FBN3: variants seen among roughly 807,000 people sequenced by gnomAD.
FBN3 encodes fibrillin 3.
Under a neutral mutation model 330.1 loss-of-function variants are expected in FBN3, and 234 were observed. That is an observed-to-expected ratio of 0.71 (90% CI 0.64 to 0.79). FBN3 has a LOEUF of 0.79. Ranked by LOEUF, FBN3 falls within the 30% of genes least tolerant of loss-of-function variation. The pLI, the probability that FBN3 is intolerant of heterozygous loss-of-function variation, is 0.00. For missense variants in FBN3, 3,606 were observed against 3,886.9 expected (o/e 0.93, Z 1.92); for synonymous variants, 1,458 against 1,517.3 (o/e 0.96, Z 0.91).
chr19:8,097,242 A>C (rs749600201), intron 42 of FBN3, 47 bp downstream of exon 42: 1 of 1,579,202 alleles, frequency 6.3e-7, no homozygotes, highest in Non-Finnish European at 8.7e-7. Context: ...AGTGGCGGAC[A>C]TGCATCCCAC....
intron 28 of FBN3, 140 bp from the exon 29 acceptor site, chr19:8,116,939 C>T: frequency 8.3e-7 from 1 of 1,205,886 alleles, no homozygotes; most frequent in East Asian, 2.5e-5. Context: ...GGCGCTCAAG[C>T]AGTTCTGAGG....
chr19:8,080,194 C>T (rs1163190390), intron 59 of FBN3, among the ~76,000 whole-genome samples: 1 of 152,194 alleles, frequency 6.6e-6, no homozygotes, highest in African/African-American at 2.4e-5. Context: ...AGTTTGCCAC[C>T]CTTTGGTCTA....
At chr19:8,125,288 C>T (rs2082950083) in intron 22 of FBN3, among the ~76,000 whole-genome samples, 1 of 151,992 alleles carries the variant, frequency 6.6e-6, no homozygotes. Context: ...GTGGTGCACA[C>T]CTGTAGTCCC....
chr19:8,075,497 G>T, intron 59 of FBN3, 86 bp from the exon 60 acceptor site: 1 of 1,423,792 alleles, frequency 7.0e-7, no homozygotes, highest in Non-Finnish European at 9.6e-7. Flanking sequence ...CCACTGTGTG[G>T]CTTCAGGCAA....
intron 57 of FBN3, 119 bp from the exon 58 acceptor site, chr19:8,081,599 T>C (rs929292167): frequency 3.4e-6 from 4 of 1,186,066 alleles, no homozygotes; most frequent in Admixed American, 2.7e-5. Context: ...TACACAGGAA[T>C]GAACACTTCT....
chr19:8,080,353 T>C (rs2081747623), intron 59 of FBN3, among the ~76,000 whole-genome samples: 1 of 152,188 alleles, frequency 6.6e-6, no homozygotes, highest in Admixed American at 6.5e-5. Context: ...GCAGATGCCC[T>C]TGTGGCTTTA....
chr19:8,136,422 C>A lies in FBN3; in HGVS notation c.1311G>T (p.Val437=), dbSNP rs2083283283. The A allele has an allele frequency of 6.2e-7, 1 of 1,614,064 alleles. No individual in the cohort carries two copies. Among genetic ancestry groups the A allele is most frequent in the Non-Finnish European group, 8.5e-7 (1 of 1,180,032 alleles). ...TPSSYRCECN[V]GYTQDVRGEC... ...CGCCGCGCACGTCCTGGGTGTAGCC[C>A]ACGTTACACTCGCAGCGGTAGCTGG... is the stretch of plus-strand genomic sequence containing the variant. The change falls in exon 11 of 64, where the codon GTG becomes GTT. Residue 437 remains valine, a synonymous_variant. Transcript: ENST00000600128.
At chr19:8,101,265 C>T (rs1240680626) in intron 40 of FBN3, among the ~76,000 whole-genome samples, 1 of 152,124 alleles carries the variant, frequency 6.6e-6, no homozygotes, top group Non-Finnish European at 1.5e-5. Context: ...GCTGGGATTA[C>T]AGGCGTGAGC....
At position 8,126,323 on chromosome 19, in the gene FBN3, G is replaced by A. The variant is rs200605729; in HGVS notation, c.2579C>T (p.Ala860Val). The change falls in exon 21 of 64, where the codon GCC (alanine) becomes GTC (valine). Residue 860 changes from alanine to valine, a missense_variant. By Grantham distance (64) the Ala-to-Val change is moderately conservative. Coordinates refer to ENST00000600128, the MANE Select transcript of FBN3 (RefSeq NM_032447.5). ...EIDPACARGF[A>V]RMTGVTCDDV... ...ATCGCAGGTGACACCCGTCATCCGG[G>A]CAAAGCCCCGGGCACAGGCAGGGTC... 2.3e-5 allele frequency: 36 copies of A among 1,590,068 alleles called. No homozygotes were observed. In the East Asian group the frequency reaches 7.7e-4, roughly 34 times the overall value.
intron 59 of FBN3, among the ~76,000 whole-genome samples, chr19:8,078,771 CA>C (rs1324223703): frequency 7.5e-6 from 1 of 133,668 alleles, no homozygotes; most frequent in African/African-American, 3.1e-5. Context: ...AGTCTTTGTT[CA>C]AATGTTCTCT....
Position 8,129,169 on chromosome 19 carries a change from G to A in FBN3, c.2171-16C>T. On this transcript the variant is annotated splice_polypyrimidine_tract_variant and intron_variant, in intron 17 of 63. Transcript: ENST00000600128. The surrounding 1 kb of genome is among the most constrained non-coding windows in gnomAD (Gnocchi z 4.5). ...TCATCCACGTCTGTGGGGTGGGGGT[G>A]GGAGAGAGGGGTGAGGGGTCTGCAG... 1.2e-6 allele frequency: 2 copies of A among 1,612,338 alleles called. No homozygotes were observed. Among genetic ancestry groups the A allele is most frequent in the East Asian group, 2.2e-5 (1 of 44,854 alleles).
intron 38 of FBN3, among the ~76,000 whole-genome samples, chr19:8,104,772 A>G (rs1027673601): frequency 2.0e-5 from 3 of 152,334 alleles, no homozygotes; most frequent in East Asian, 1.9e-4. Flanking sequence ...CAATCTGCCA[A>G]TGTAGCAAGA....
chr19:8,087,922 C>A lies in FBN3; in HGVS notation c.6522G>T (p.Pro2174=). Reference sequence around the variant, plus strand: ...TGTGGCAGCGGAAGGCACAGAGCAGCGGGTTCAGGGAGCATTCGTCGATGT... The same window carrying A: ...TGTGGCAGCGGAAGGCACAGAGCAGAGGGTTCAGGGAGCATTCGTCGATGT... ...CEDIDECSLN[P]LLCAFRCHNT... The change falls in exon 53 of 64, where the codon CCG becomes CCT. Residue 2174 remains proline (P), a synonymous_variant. Transcript: ENST00000600128. The A allele has an allele frequency of 6.2e-7, 1 of 1,614,100 alleles. No homozygotes were observed. The highest frequency in any genetic ancestry group is 8.5e-7 in the Non-Finnish European group (1 of 1,180,002).
intron 6 of FBN3, among the ~76,000 whole-genome samples, chr19:8,144,247 A>G (rs959125632): frequency 6.6e-6 from 1 of 152,050 alleles, no homozygotes; most frequent in Admixed American, 6.6e-5. Context: ...CTAAAATTAC[A>G]AAAATTAGCT....
In FBN3 at chr19:8,095,364, G is replaced by T. The variant is rs1312617692; in HGVS notation, c.5785+11C>A. On this transcript the variant is annotated intron_variant, in intron 46 of 63. Coordinates refer to ENST00000600128, the MANE Select transcript of FBN3 (RefSeq NM_032447.5). Reference sequence around the variant, plus strand: ...GGCTGAGATGCCTCCGAGCACCATAGGCAGACTCACCCACACAGTTCTTCC... The same window carrying T: ...GGCTGAGATGCCTCCGAGCACCATATGCAGACTCACCCACACAGTTCTTCC... 6.2e-7 allele frequency: 1 copy of T among 1,611,612 alleles called. No individual in the cohort carries two copies. Among genetic ancestry groups the T allele is most frequent in the African/African-American group, 1.3e-5 (1 of 74,888 alleles).
chr19:8,143,973 AT>A (rs1301642987), intron 6 of FBN3, among the ~76,000 whole-genome samples: 1 of 151,568 alleles, frequency 6.6e-6, no homozygotes. Flanking sequence ...TGCCAGGCTA[AT>A]TTTTTACTTT....
Position 8,149,285 on chromosome 19 carries a change from G to A in FBN3, c.-18+164C>T, listed in dbSNP as rs1035371770. Among the ~76,000 whole-genome samples, 3 of 151,810 alleles carry A rather than the reference G, an allele frequency of 2.0e-5. No homozygotes were observed. Among genetic ancestry groups the A allele is most frequent in the Non-Finnish European group, 4.4e-5 (3 of 67,896 alleles). On this transcript the variant is annotated intron_variant, in intron 1 of 63. Coordinates refer to ENST00000600128, the MANE Select transcript of FBN3 (RefSeq NM_032447.5). This position sits in a 1 kb window ranked among gnomAD's most constrained non-coding sequence, Gnocchi z 5.5. ...CGCGCCCCCACTCCCCACTGCGGCG[G>A]GCGCCACTAGAAGGCGGAGAGGGGA...
rs372023459 is a variant in FBN3 at position 8,147,206 on chromosome 19, G to A, written c.168-20C>T. The A allele has an allele frequency of 1.9e-5, 29 of 1,560,750 alleles. No homozygotes were observed. The highest frequency in any genetic ancestry group is 4.1e-5 in the African/African-American group (3 of 73,648). On this transcript the variant is annotated intron_variant, in intron 2 of 63. Transcript: ENST00000600128. ...TTCGGCCTTCGGGGACAGCGAGATGGGTCTGGTGAGCCCCTGCCCGTGTGG... is the reference window on the plus strand; with the variant it reads ...TTCGGCCTTCGGGGACAGCGAGATGAGTCTGGTGAGCCCCTGCCCGTGTGG...
intron 55 of FBN3, 53 bp from the exon 56 acceptor site, chr19:8,085,622 G>C: frequency 1.4e-6 from 2 of 1,389,262 alleles, no homozygotes; most frequent in Non-Finnish European, 1.9e-6. Context: ...TGGTTTGGGG[G>C]CAAAGACTGA....
Sources: allele counts gnomAD v4.1 joint callset (sites outside exome capture counted in the v4.1 genomes callset), GRCh38; gene constraint gnomAD v4.1.1; non-coding constraint Gnocchi (gnomAD v3.1); transcripts MANE v1.5; gene names NCBI Gene and HGNC (gene_info 2026-07-23, HGNC 2026-07-21).